The following LRMDA variants were observed in gnomAD, a reference collection of about 807,000 sequenced individuals.
LRMDA encodes the protein leucine-rich melanocyte differentiation-associated protein.
In LRMDA, 18 loss-of-function variants were observed where a neutral mutation model predicts 29.8. The ratio of observed to expected loss-of-function variants is 0.60; its 90% CI spans 0.42 to 0.90. LRMDA has a LOEUF of 0.90. LRMDA is among the 40% of genes least tolerant of loss of function. The pLI is 0.00. For synonymous variants in LRMDA, 125 were observed against 109.4 expected, an observed-to-expected ratio of 1.14 and a Z score of -0.89; for missense variants, 273 against 273.9, an observed-to-expected ratio of 1.00 and a Z score of 0.02.
chr10:75,751,158 T>C (rs1207740336), intron 2 of LRMDA, among the ~76,000 whole-genome samples: 1 of 151,966 alleles, frequency 6.6e-6, no homozygotes, highest in Non-Finnish European at 1.5e-5. Flanking sequence ...CACCAAAAAA[T>C]ACAAAAACCA....
chr10:76,168,567 T>C (rs1000950893), intron 5 of LRMDA, among the ~76,000 whole-genome samples: 1 of 152,130 alleles, frequency 6.6e-6, no homozygotes, highest in Admixed American at 6.5e-5. Context: ...TTTGTTTTAA[T>C]CTGGTACTGA....
In LRMDA at chr10:75,699,913, G is replaced by C. The variant is rs142650291; in HGVS notation, c.131+261419G>C. Among the ~76,000 whole-genome samples, 27 of 152,260 alleles carry C rather than the reference G, an allele frequency of 1.8e-4. No homozygotes were observed. In the East Asian group the frequency reaches 5.2e-3, roughly 29 times the overall value. The stretch of plus-strand genomic sequence containing the variant: ...ACAGACAGAAGAGGAAAAGGCATTT[G>C]TGACCATGGAGGCAGAAATTGGAGT... On this transcript the variant is annotated intron_variant, in intron 2 of 6. Transcript: ENST00000611255.
chr10:75,477,226 C>A (rs1844806289), intron 2 of LRMDA, among the ~76,000 whole-genome samples: 1 of 152,076 alleles, frequency 6.6e-6, no homozygotes, highest in African/African-American at 2.4e-5. Context: ...GCAGTCCTCT[C>A]GCCTCGGCCT....
chr10:75,957,950 G>A (rs779956180), intron 2 of LRMDA, among the ~76,000 whole-genome samples: 21 of 152,182 alleles, frequency 1.4e-4, no homozygotes, highest in Non-Finnish European at 2.6e-4. Context: ...ATCCAGGAGG[G>A]AGCTTCCATT....
intron 2 of LRMDA, among the ~76,000 whole-genome samples, chr10:75,572,169 G>T (rs1346435751): frequency 6.6e-6 from 1 of 152,096 alleles, no homozygotes; most frequent in African/African-American, 2.4e-5. Flanking sequence ...GGCCAGGATG[G>T]TCTTGATCTC....
intron 6 of LRMDA, among the ~76,000 whole-genome samples, chr10:76,470,147 T>G (rs1286306453): frequency 2.0e-5 from 3 of 152,010 alleles, no homozygotes; most frequent in Non-Finnish European, 2.9e-5. Flanking sequence ...AAACAAAAAC[T>G]GAGAAGCTTT....
chr10:75,856,705 A>G (rs1844833316), intron 2 of LRMDA, among the ~76,000 whole-genome samples: 1 of 152,248 alleles, frequency 6.6e-6, no homozygotes, highest in African/African-American at 2.4e-5. Context: ...GGTGTCTATG[A>G]CAAACCCACA....
At chr10:76,149,801 G>C (rs1049654929) in intron 5 of LRMDA, among the ~76,000 whole-genome samples, 2 of 152,172 alleles carry the variant, frequency 1.3e-5, no homozygotes, top group African/African-American at 4.8e-5. Context: ...CCTGGAGGGG[G>C]TGGGGAGAGC....
chr10:76,241,164 A>C (rs1852271159), intron 5 of LRMDA, among the ~76,000 whole-genome samples: 1 of 152,150 alleles, frequency 6.6e-6, no homozygotes, highest in Non-Finnish European at 1.5e-5. Context: ...TACAGTGTAC[A>C]CTTTGCAGGT....
chr10:75,552,637 G>A (rs914524665), intron 2 of LRMDA: 12 of 404,768 alleles, frequency 3.0e-5, no homozygotes, highest in African/African-American at 6.6e-5. Flanking sequence ...TGGAAAATTC[G>A]TAGCTATTAT....
intron 2 of LRMDA, among the ~76,000 whole-genome samples, chr10:75,936,620 G>A (rs967586826): frequency 7.2e-5 from 11 of 152,188 alleles, no homozygotes; most frequent in African/African-American, 2.4e-4. Context: ...GCGTTCTGGA[G>A]ACTGGGAGAT....
chr10:75,574,210 C>T (rs1249298923), intron 2 of LRMDA, among the ~76,000 whole-genome samples: 1 of 152,202 alleles, frequency 6.6e-6, no homozygotes, highest in Non-Finnish European at 1.5e-5. Context: ...CTGATATTGC[C>T]ATGGGCTCCT....
At chr10:75,647,448 G>C (rs900153129) in intron 2 of LRMDA, 2 of 152,582 alleles carry the variant, frequency 1.3e-5, no homozygotes, top group African/African-American at 4.8e-5. Flanking sequence ...AGCCAAGATA[G>C]AGTGGCGGTA....
At chr10:75,817,528 G>A (rs1020156097) in intron 2 of LRMDA, among the ~76,000 whole-genome samples, 1 of 152,180 alleles carries the variant, frequency 6.6e-6, no homozygotes, top group African/African-American at 2.4e-5. Flanking sequence ...GGTCAGAAAA[G>A]TCTCTTTAGA....
At chr10:75,709,078 C>T (rs117145901) in intron 2 of LRMDA, among the ~76,000 whole-genome samples, 1,541 of 152,288 alleles carry the variant, frequency 0.01, 16 homozygotes, top group Non-Finnish European at 0.015. Context: ...TGGATTCCCT[C>T]GCCCCACTCT....
At chr10:75,796,584 T>C (rs1843657465) in intron 2 of LRMDA, among the ~76,000 whole-genome samples, 1 of 152,226 alleles carries the variant, frequency 6.6e-6, no homozygotes, top group Non-Finnish European at 1.5e-5. Flanking sequence ...ATTGTTATTA[T>C]TTTTTGAGAT....
At chr10:76,062,419 A>G (rs1216321079) in intron 5 of LRMDA, among the ~76,000 whole-genome samples, 3 of 152,172 alleles carry the variant, frequency 2.0e-5, no homozygotes, top group African/African-American at 7.2e-5. Context: ...CCAGGAGGTA[A>G]TAAAGGCCCG....
chr10:75,958,087 G>T (rs747694633), intron 2 of LRMDA, among the ~76,000 whole-genome samples: 4 of 152,152 alleles, frequency 2.6e-5, no homozygotes, highest in African/African-American at 9.7e-5. Flanking sequence ...CCTTGCTGAC[G>T]ATGGTGCTGG....
intron 2 of LRMDA, among the ~76,000 whole-genome samples, chr10:75,746,037 T>C (rs1182305911): frequency 6.6e-6 from 1 of 152,160 alleles, no homozygotes; most frequent in Non-Finnish European, 1.5e-5. Flanking sequence ...AAGGTATTTG[T>C]TTGGGAGGTT....
Sources: allele counts gnomAD v4.1 joint callset (sites outside exome capture counted in the v4.1 genomes callset), GRCh38; gene constraint gnomAD v4.1.1; transcripts MANE v1.5; gene names NCBI Gene and HGNC (gene_info 2026-07-23, HGNC 2026-07-21).